ARHGAP24: variants seen among roughly 807,000 people sequenced by gnomAD.
ARHGAP24 encodes the protein rho GTPase-activating protein 24.
Under a neutral mutation model 76.4 loss-of-function variants are expected in ARHGAP24, and 50 were observed. The observed-to-expected ratio is 0.65, with a 90% CI of 0.52 to 0.83. The LOEUF (loss-of-function observed/expected upper bound fraction) is 0.83, where lower values mean the gene tolerates loss of function less well. Among genes scored for constraint, ARHGAP24 ranks in the 40% least tolerant of loss-of-function variants. The pLI, the probability that ARHGAP24 is intolerant of heterozygous loss-of-function variation, is 0.00. For synonymous variants in ARHGAP24, 345 were observed against 323.3 expected, an observed-to-expected ratio of 1.07 and a Z score of -0.72; for missense variants, 930 against 914.2, an observed-to-expected ratio of 1.02 and a Z score of -0.22.
chr4:85,525,346 C>T (rs1404515823), intron 1 of ARHGAP24, among the ~76,000 whole-genome samples: 1 of 143,080 alleles, frequency 7.0e-6, no homozygotes, highest in Non-Finnish European at 1.5e-5. Context: ...TCAACTTTTA[C>T]AAATTTTTAC....
At chr4:85,954,945 G>T (rs1459482243) in intron 5 of ARHGAP24, among the ~76,000 whole-genome samples, 4 of 152,242 alleles carry the variant, frequency 2.6e-5, no homozygotes, top group African/African-American at 7.2e-5. Context: ...AGGAGGCGGA[G>T]GTTGCGGTGA....
intron 3 of ARHGAP24, among the ~76,000 whole-genome samples, chr4:85,881,169 C>T (rs572597239): frequency 6.6e-6 from 1 of 152,152 alleles, no homozygotes; most frequent in Non-Finnish European, 1.5e-5. Context: ...GTAGTGTATA[C>T]AGCATGGATA....
At chr4:85,990,367 C>T (rs558570640) in intron 8 of ARHGAP24, 2 of 151,694 alleles carry the variant, frequency 1.3e-5, no homozygotes, top group South Asian at 4.1e-4. Flanking sequence ...TAAAATTGAC[C>T]TATAGTTTTA....
intron 2 of ARHGAP24, among the ~76,000 whole-genome samples, chr4:85,575,147 G>T (rs1727320190): frequency 6.6e-6 from 1 of 151,934 alleles, no homozygotes; most frequent in African/African-American, 2.4e-5. Flanking sequence ...ATTAAAAAAA[G>T]CAGCTTTAGT....
Position 85,562,615 on chromosome 4 carries a change from C to T in ARHGAP24, c.-20-7907C>T, listed in dbSNP as rs144963276. On this transcript the variant is annotated intron_variant, in intron 1 of 9. Coordinates refer to ENST00000395184, the MANE Select transcript of ARHGAP24 (RefSeq NM_001025616.3). ...CCACCACCTGTGCTTCCATATTCCA[C>T]TTGCATTCCTCCCATTTATACTTAT... Among the ~76,000 whole-genome samples, 634 of 152,310 alleles carry T rather than the reference C, an allele frequency of 4.2e-3. 5 individuals are homozygous for T. The highest frequency in any genetic ancestry group is 0.014 in the African/African-American group (583 of 41,564).
intron 2 of ARHGAP24, among the ~76,000 whole-genome samples, chr4:85,693,835 C>T (rs866357638): frequency 6.6e-6 from 1 of 152,204 alleles, no homozygotes; most frequent in Non-Finnish European, 1.5e-5. Flanking sequence ...GTGCCTATGG[C>T]CGCTAGGTGC....
intron 2 of ARHGAP24, among the ~76,000 whole-genome samples, chr4:85,606,978 C>T (rs1720215951): frequency 6.6e-6 from 1 of 152,176 alleles, no homozygotes; most frequent in Non-Finnish European, 1.5e-5. Flanking sequence ...ATAATACAGA[C>T]CTTACTTCCT....
At chr4:85,933,619 T>A (rs1448213372) in intron 4 of ARHGAP24, among the ~76,000 whole-genome samples, 2 of 152,216 alleles carry the variant, frequency 1.3e-5, no homozygotes, top group African/African-American at 4.8e-5. Flanking sequence ...TGAGTTTATG[T>A]TCCGTTGAGA....
At chr4:85,498,412 C>G (rs904489430) in intron 1 of ARHGAP24, among the ~76,000 whole-genome samples, 26 of 152,184 alleles carry the variant, frequency 1.7e-4, no homozygotes, top group African/African-American at 6.3e-4. Flanking sequence ...TCTCTGTGAC[C>G]TACTTACTTT....
intron 2 of ARHGAP24, among the ~76,000 whole-genome samples, chr4:85,602,161 C>G (rs1029726149): frequency 6.6e-6 from 1 of 152,002 alleles, no homozygotes; most frequent in African/African-American, 2.4e-5. Flanking sequence ...TCAAAGGAAA[C>G]CATAGTACAT....
chr4:85,574,275 C>T (rs1053325013), intron 2 of ARHGAP24, among the ~76,000 whole-genome samples: 3 of 152,148 alleles, frequency 2.0e-5, no homozygotes, highest in African/African-American at 7.2e-5. Context: ...AACTGCTCAT[C>T]TGTTGAGGGA....
chr4:85,859,961 A>G (rs1731796974), intron 3 of ARHGAP24, among the ~76,000 whole-genome samples: 1 of 152,118 alleles, frequency 6.6e-6, no homozygotes, highest in African/African-American at 2.4e-5. Context: ...TTTTCCTGAT[A>G]TTAACAGGGC....
rs570468155 is a variant in ARHGAP24, at chr4:85,755,231, C to T, written c.268+33259C>T. On this transcript the variant is annotated intron_variant, in intron 3 of 9. Transcript: ENST00000395184. ...GTAACTTTTTTTTCTTATTTACCAT[C>T]CCAGTGTACTTATGGGGACAATTCT... 2.0e-5 allele frequency among the ~76,000 whole-genome samples: 3 copies of T among 152,184 alleles called. No homozygotes were observed. The South Asian group carries it at 6.2e-4, about 32-fold the overall frequency.
At chr4:85,830,454 T>C (rs1273523813) in intron 3 of ARHGAP24, among the ~76,000 whole-genome samples, 4 of 152,196 alleles carry the variant, frequency 2.6e-5, no homozygotes, top group Non-Finnish European at 5.9e-5. Flanking sequence ...CTTGGGAACC[T>C]ACCTCAACAA....
intron 2 of ARHGAP24, among the ~76,000 whole-genome samples, chr4:85,677,060 T>G (rs1214123312): frequency 6.6e-6 from 1 of 152,078 alleles, no homozygotes; most frequent in Non-Finnish European, 1.5e-5. Context: ...GGAAAACGAT[T>G]TCGTACAGGC....
intron 3 of ARHGAP24, among the ~76,000 whole-genome samples, chr4:85,820,537 C>T (rs1228479371): frequency 6.6e-6 from 1 of 152,148 alleles, no homozygotes; most frequent in African/African-American, 2.4e-5. Flanking sequence ...GGGTTTTATA[C>T]TTATTACTTA....
intron 3 of ARHGAP24, among the ~76,000 whole-genome samples, chr4:85,786,319 T>G (rs1383148713): frequency 6.6e-6 from 1 of 152,190 alleles, no homozygotes; most frequent in Non-Finnish European, 1.5e-5. Flanking sequence ...GAGGCTTCTC[T>G]TCCTTTCTCT....
intron 2 of ARHGAP24, among the ~76,000 whole-genome samples, chr4:85,602,201 G>T (rs1720052996): frequency 6.6e-6 from 1 of 152,140 alleles, no homozygotes; most frequent in Non-Finnish European, 1.5e-5. Flanking sequence ...ACATGAAAAA[G>T]AAAGCAGTAT....
chr4:85,707,345 T>C (rs1724353139), intron 2 of ARHGAP24, among the ~76,000 whole-genome samples: 1 of 152,220 alleles, frequency 6.6e-6, no homozygotes, highest in Non-Finnish European at 1.5e-5. Context: ...GTGCTTTTTT[T>C]TCCCTCACCA....
Sources: gnomAD v4.1 joint callset for allele counts (sites outside exome capture counted in the v4.1 genomes callset) on GRCh38, gnomAD v4.1.1 for gene constraint, MANE v1.5 for transcripts, NCBI Gene and HGNC (gene_info 2026-07-23, HGNC 2026-07-21) for gene names.